CGNL1: variants seen among roughly 807,000 people sequenced by gnomAD.
CGNL1 encodes cingulin-like protein 1.
Under a neutral mutation model 141.2 loss-of-function variants are expected in CGNL1, and 132 were observed. The observed-to-expected ratio is 0.93, with a 90% CI of 0.81 to 1.08. The LOEUF (loss-of-function observed/expected upper bound fraction) is 1.08. CGNL1 is among the 50% of genes least tolerant of loss of function. The probability of loss-of-function intolerance (pLI) is 0.00; values close to 1 mark genes in which losing one functional copy is unlikely to be tolerated. For synonymous variants in CGNL1, 690 were observed against 622.1 expected (o/e 1.11, Z -1.63); for missense variants, 1,870 against 1,588.6 (o/e 1.18, Z -3.01).
intron 8 of CGNL1, among the ~76,000 whole-genome samples, chr15:57,484,018 G>A (rs2063758211): frequency 6.6e-6 from 1 of 152,086 alleles, no homozygotes; most frequent in South Asian, 2.1e-4. Flanking sequence ...GGATTCTTGT[G>A]TCTATATTAA....
intron 10 of CGNL1, among the ~76,000 whole-genome samples, chr15:57,522,445 C>T (rs111401631): frequency 7.9e-5 from 12 of 152,312 alleles, no homozygotes; most frequent in African/African-American, 2.9e-4. Flanking sequence ...CAAATATAAA[C>T]CATTGTTCTT....
chr15:57,379,898 G>A (rs1414580113), intron 1 of CGNL1, among the ~76,000 whole-genome samples: 2 of 152,170 alleles, frequency 1.3e-5, no homozygotes, highest in African/African-American at 4.8e-5. Flanking sequence ...GAGGAGGGAA[G>A]GCTTAGTGTT....
intron 1 of CGNL1, among the ~76,000 whole-genome samples, chr15:57,431,798 T>C (rs570386482): frequency 2.0e-5 from 3 of 152,220 alleles, no homozygotes; most frequent in East Asian, 1.9e-4. Context: ...CCCAAGACAA[T>C]TGGTCTTCTT....
intron 1 of CGNL1, among the ~76,000 whole-genome samples, chr15:57,381,796 T>G (rs1268485561): frequency 6.6e-6 from 1 of 152,066 alleles, no homozygotes; most frequent in East Asian, 1.9e-4. Context: ...TTCCTCTACG[T>G]GAGGTAGAGG....
intron 8 of CGNL1, among the ~76,000 whole-genome samples, chr15:57,487,894 T>C (rs2063806373): frequency 6.6e-6 from 1 of 152,232 alleles, no homozygotes; most frequent in South Asian, 2.1e-4. Context: ...TACAAGGTTT[T>C]GCATGGACGG....
intron 1 of CGNL1, among the ~76,000 whole-genome samples, chr15:57,395,072 C>T (rs1001277077): frequency 6.6e-6 from 1 of 152,238 alleles, no homozygotes; most frequent in African/African-American, 2.4e-5. Context: ...GATCATGCCA[C>T]TGCACTCCAG....
chr15:57,523,642 G>T lies in CGNL1; in HGVS notation c.2868+1G>T. 6.2e-7 allele frequency: 1 copy of T among 1,614,036 alleles called. No homozygotes were observed. ...AACCATTGAGAAACTGCAGAAGGAG[G>T]TGAGGGGCTGGAGGAGGAAAGAGGA... On this transcript the variant is annotated splice_donor_variant, in intron 11 of 18. Transcript: ENST00000281282. LOFTEE classifies it high-confidence loss of function.
chr15:57,461,794 G>A lies in CGNL1; in HGVS notation c.2305G>A (p.Glu769Lys). 6.2e-7 allele frequency: 1 copy of A among 1,614,166 alleles called. No individual in the cohort carries two copies. Residue 769 changes from glutamate to lysine, a missense_variant, in exon 8 of 19, where the codon GAA becomes AAA. Coordinates refer to ENST00000281282, the MANE Select transcript of CGNL1 (RefSeq NM_032866.5). ...ELTALKGALKEEVSSHDQEMD... is the reference protein window; with the variant it reads ...ELTALKGALKKEVSSHDQEMD... ...CACCGCCCTGAAGGGAGCCCTGAAAGAAGAGGTTTCCAGCCATGATCAGGA... is the reference window on the plus strand; with the variant it reads ...CACCGCCCTGAAGGGAGCCCTGAAAAAAGAGGTTTCCAGCCATGATCAGGA...
At chr15:57,475,108 T>C (rs2063634854) in intron 8 of CGNL1, among the ~76,000 whole-genome samples, 1 of 152,142 alleles carries the variant, frequency 6.6e-6, no homozygotes, top group South Asian at 2.1e-4. Context: ...AGCAGCCATC[T>C]CCCTATTTCC....
chr15:57,524,861 C>A, intron 12 of CGNL1, 110 bp downstream of exon 12: 1 of 1,061,026 alleles, frequency 9.4e-7, no homozygotes, highest in South Asian at 1.6e-5. Context: ...AGCTTTGGTG[C>A]TTGACTCTTC....
chr15:57,453,668 T>A lies in CGNL1; in HGVS notation c.2055-15T>A. 1.2e-6 allele frequency: 2 copies of A among 1,613,308 alleles called. No individual in the cohort carries two copies. Among genetic ancestry groups the A allele is most frequent in the Non-Finnish European group, 1.7e-6 (2 of 1,179,650 alleles). ...GCCCAGAAGAGCCTGTCTAATGGGCTTCCTTCCCTGCCAGGCTATTCCAGG... is the reference window on the plus strand; with the variant it reads ...GCCCAGAAGAGCCTGTCTAATGGGCATCCTTCCCTGCCAGGCTATTCCAGG... On this transcript the variant is annotated splice_polypyrimidine_tract_variant and intron_variant, in intron 6 of 18. Coordinates refer to ENST00000281282, the MANE Select transcript of CGNL1 (RefSeq NM_032866.5).
At chr15:57,405,816 TTC>T (rs1491069639) in intron 1 of CGNL1, 4 of 117,442 alleles carry the variant, frequency 3.4e-5, no homozygotes, top group Non-Finnish European at 1.7e-5. Context: ...CTTTCCTTCT[TTC>T]TTTCTTTCTT....
intron 18 of CGNL1, 105 bp from the exon 19 acceptor site, chr15:57,547,250 C>T: frequency 7.8e-7 from 1 of 1,284,802 alleles, no homozygotes. Context: ...TTCTGTGCCA[C>T]TCAGTGGGGT....
chr15:57,484,172 A>G (rs924140139), intron 8 of CGNL1, among the ~76,000 whole-genome samples: 5 of 152,228 alleles, frequency 3.3e-5, no homozygotes, highest in Non-Finnish European at 7.3e-5. Flanking sequence ...GAGATTGTGT[A>G]GAATTGATGT....
At chr15:57,425,579 A>G (rs571464493) in intron 1 of CGNL1, among the ~76,000 whole-genome samples, 7 of 152,172 alleles carry the variant, frequency 4.6e-5, no homozygotes, top group African/African-American at 1.7e-4. Flanking sequence ...CATCTCTACT[A>G]AAAATACAAA....
At chr15:57,442,321 C>A in intron 3 of CGNL1, 52 bp from the exon 4 acceptor site, 4 of 1,121,582 alleles carry the variant, frequency 3.6e-6, no homozygotes, top group East Asian at 2.4e-5. Flanking sequence ...ATAAATTGTT[C>A]TGAGACCAGT....
At chr15:57,382,140 A>G (rs2062431785) in intron 1 of CGNL1, among the ~76,000 whole-genome samples, 1 of 152,200 alleles carries the variant, frequency 6.6e-6, no homozygotes, top group Non-Finnish European at 1.5e-5. Flanking sequence ...CGCGACAAAA[A>G]CAAAACTTTG....
intron 1 of CGNL1, among the ~76,000 whole-genome samples, chr15:57,409,671 C>T (rs749035702): frequency 1.3e-5 from 2 of 152,034 alleles, no homozygotes; most frequent in African/African-American, 2.4e-5. Context: ...CCCGAGAGGG[C>T]GTGGAGTTGA....
chr15:57,441,372 T>A (rs1189398300), intron 3 of CGNL1, among the ~76,000 whole-genome samples: 5 of 152,106 alleles, frequency 3.3e-5, no homozygotes, highest in African/African-American at 1.2e-4. Flanking sequence ...ATTCATTATT[T>A]TTTTTTTATT....
Sources: allele counts gnomAD v4.1 joint callset (sites outside exome capture counted in the v4.1 genomes callset), GRCh38; gene constraint gnomAD v4.1.1; transcripts MANE v1.5; gene names NCBI Gene and HGNC (gene_info 2026-07-23, HGNC 2026-07-21).